The following ODF2L variants were observed in gnomAD, a reference collection of about 807,000 sequenced individuals.
ODF2L encodes outer dense fiber of sperm tails 2 like, also known as protein BCAP.
In ODF2L, 76 loss-of-function variants were observed where a neutral mutation model predicts 86.3. That is an observed-to-expected ratio of 0.88 (90% CI 0.73 to 1.07). The LOEUF is 1.07. Among genes scored for constraint, ODF2L ranks in the 50% least tolerant of loss-of-function variants. ODF2L has a pLI of 0.00. For synonymous variants in ODF2L, 241 were observed against 231.3 expected, an observed-to-expected ratio of 1.04 and a Z score of -0.38; for missense variants, 748 against 717.4, an observed-to-expected ratio of 1.04 and a Z score of -0.49.
At chr1:86,375,554 A>C (rs1660109832) in intron 8 of ODF2L, among the ~76,000 whole-genome samples, 3 of 152,154 alleles carry the variant, frequency 2.0e-5, no homozygotes, top group Non-Finnish European at 4.4e-5. Context: ...AAAAATTATT[A>C]ATTAGTAATT....
chr1:86,364,646 G>A (rs1001445487), intron 11 of ODF2L, among the ~76,000 whole-genome samples: 3 of 152,092 alleles, frequency 2.0e-5, no homozygotes, highest in Admixed American at 6.6e-5. Context: ...TCCTTAAAGG[G>A]GAGGAAATTT....
In ODF2L at chr1:86,382,330, G is replaced by A. The variant is rs1660643593; in HGVS notation, c.536C>T (p.Ser179Phe). 2.1e-5 allele frequency: 34 copies of A among 1,610,910 alleles called. 1 individual carries two copies. The East Asian group carries it at 7.6e-4, about 36-fold the overall frequency. The change falls in exon 7 of 18, where the codon TCC becomes TTC. Residue 179 changes from serine to phenylalanine, a missense_variant. Physicochemically the swap from Ser to Phe is radical, Grantham distance 155. Coordinates refer to ENST00000317336, the Ensembl canonical transcript of ODF2L. ...TTCATGTACTACTTTTACTGATTGG[G>A]AAAAACGGTTTGCTTTCAAAGTATT...
At chr1:86,351,793 G>A (rs1658156027) in exon 18 of ODF2L, 2 of 556,248 alleles carry the variant, frequency 3.6e-6, no homozygotes, top group African/African-American at 4.1e-5. Context: ...AGTTCTCCTT[G>A]AAGAGGTCCT....
rs750589198 is a variant in ODF2L, at chr1:86,382,241, C to T, written c.624+1G>A. 1.2e-6 allele frequency: 2 copies of T among 1,605,498 alleles called. No individual in the cohort carries two copies. Among genetic ancestry groups the T allele is most frequent in the Non-Finnish European group, 1.7e-6 (2 of 1,176,888 alleles). On this transcript the variant is annotated splice_donor_variant, in intron 7 of 17. Coordinates refer to ENST00000317336, the Ensembl canonical transcript of ODF2L. LOFTEE classifies it high-confidence loss of function. ...AAAATGGATATATATTTATATATAA[C>T]CTTTACATATTCTTTCAACTTATCG...
chr1:86,380,535 T>A, intron 7 of ODF2L, among the ~76,000 whole-genome samples: 1 of 152,158 alleles, frequency 6.6e-6, no homozygotes, highest in Non-Finnish European at 1.5e-5. Flanking sequence ...CTAAATTTTC[T>A]TTTTGAACAT....
chr1:86,387,930 T>C (rs1372798437), intron 1 of ODF2L, among the ~76,000 whole-genome samples: 1 of 152,122 alleles, frequency 6.6e-6, no homozygotes, highest in African/African-American at 2.4e-5. Context: ...AAACATATTA[T>C]ATTCAAGAAT....
rs34652957 is a variant in ODF2L at position 86,394,411 on chromosome 1, CA to C, written c.-60+1621del. 9.9e-3 allele frequency among the ~76,000 whole-genome samples: 1,142 copies of C among 115,542 alleles called. 14 individuals carry two copies. Among genetic ancestry groups the C allele is most frequent in the African/African-American group, 0.028 (917 of 32,556 alleles). 75.8% of individuals were successfully genotyped at this position (115,542 alleles called of 152,430 possible). On this transcript the variant is annotated intron_variant, in intron 1 of 17. Coordinates refer to ENST00000317336, the Ensembl canonical transcript of ODF2L. ...ACTGCGGCAGAGCGAGACTCCATCT[CA>C]AAAAAAAAAAAAAGCCATGAGATAC...
At chr1:86,351,037 G>A (rs902746209) in exon 18 of ODF2L, 1 of 152,026 alleles carries the variant, frequency 6.6e-6, no homozygotes, top group African/African-American at 2.4e-5. Context: ...CTCCCATTCT[G>A]TCGGTTCCTG....
At chr1:86,384,923 T>A in intron 3 of ODF2L, 122 bp from the exon 4 acceptor site, 1 of 637,696 alleles carries the variant, frequency 1.6e-6, no homozygotes, top group Non-Finnish European at 2.3e-6. Context: ...TGCATAGTAA[T>A]AATAAATGCT....
chr1:86,379,717 A>T (rs1660433488), intron 7 of ODF2L, among the ~76,000 whole-genome samples: 2 of 152,256 alleles, frequency 1.3e-5, no homozygotes. Context: ...TACATTAAAG[A>T]TAATAAAATA....
At chr1:86,373,612 C>A (rs1467021024) in intron 8 of ODF2L, among the ~76,000 whole-genome samples, 1 of 151,522 alleles carries the variant, frequency 6.6e-6, no homozygotes, top group Non-Finnish European at 1.5e-5. Context: ...CCAGGCTGGT[C>A]TTGAATTAAT....
chr1:86,372,936 G>C (rs1164397414), intron 8 of ODF2L, among the ~76,000 whole-genome samples: 1 of 152,120 alleles, frequency 6.6e-6, no homozygotes, highest in Admixed American at 6.6e-5. Flanking sequence ...AAAAGCATAA[G>C]ATTGATATAA....
chr1:86,352,558 T>C (rs1658215316), intron 17 of ODF2L, among the ~76,000 whole-genome samples: 2 of 152,170 alleles, frequency 1.3e-5, no homozygotes, highest in Non-Finnish European at 2.9e-5. Flanking sequence ...AAAATTCATA[T>C]CAGGATGAAA....
At chr1:86,368,627 A>G in intron 11 of ODF2L, 1 of 1,415,064 alleles carries the variant, frequency 7.1e-7, no homozygotes. Flanking sequence ...AGTATGAGTA[A>G]TAAAATACCT....
At position 86,382,370 on chromosome 1, in the gene ODF2L, A is replaced by C. The variant is rs368284817; in HGVS notation, c.508-12T>G. On this transcript the variant is annotated splice_polypyrimidine_tract_variant and intron_variant, in intron 6 of 17. Coordinates refer to ENST00000317336, the Ensembl canonical transcript of ODF2L. Reference sequence around the variant, plus strand: ...TTCAAAGTATTTGCCTGTAACAAAGAGAAAGAGAAAACCAAAAAAATCCAT... The same window carrying C: ...TTCAAAGTATTTGCCTGTAACAAAGCGAAAGAGAAAACCAAAAAAATCCAT... 10 of 1,607,912 alleles carry C rather than the reference A, an allele frequency of 6.2e-6. No homozygotes were observed. The African/African-American group carries it at 1.3e-4, about 22-fold the overall frequency.
chr1:86,358,890 A>T, exon 13 of ODF2L: 2 of 1,448,050 alleles, frequency 1.4e-6, no homozygotes, highest in Non-Finnish European at 1.9e-6. Flanking sequence ...CAACTTTTGT[A>T]CCTGAAAATA....
At chr1:86,355,417 G>C in intron 14 of ODF2L, 2 of 1,382,108 alleles carry the variant, frequency 1.4e-6, no homozygotes, top group Admixed American at 2.1e-5. Flanking sequence ...TTTGATTCAA[G>C]GAAAAAATTT....
intron 8 of ODF2L, among the ~76,000 whole-genome samples, chr1:86,374,002 C>G (rs1659994993): frequency 6.6e-6 from 1 of 152,176 alleles, no homozygotes; most frequent in Admixed American, 6.5e-5. Flanking sequence ...AGAGCTGTAG[C>G]CACTGTGCCT....
chr1:86,360,629 C>A, intron 11 of ODF2L, 93 bp from the exon 11 acceptor site: 1 of 554,922 alleles, frequency 1.8e-6, no homozygotes, highest in Non-Finnish European at 3.2e-6. Context: ...CATGTATTAA[C>A]AAAGTTGATA....
Sources: allele counts gnomAD v4.1 joint callset (sites outside exome capture counted in the v4.1 genomes callset), GRCh38; gene constraint gnomAD v4.1.1; transcripts MANE v1.5; gene names NCBI Gene and HGNC (gene_info 2026-07-23, HGNC 2026-07-21).